Variants in FMN2 observed in about 807,000 individuals in gnomAD.
FMN2 encodes formin-2.
In FMN2, 51 loss-of-function variants were observed where a neutral mutation model predicts 142.3. The observed-to-expected ratio is 0.36, with a 90% CI of 0.29 to 0.45. FMN2 has a LOEUF of 0.45. Ranked by LOEUF, FMN2 falls within the 20% of genes least tolerant of loss-of-function variation. The pLI, the probability that FMN2 is intolerant of heterozygous loss-of-function variation, is 1.00. For synonymous variants in FMN2, 882 were observed against 869.8 expected (o/e 1.01, Z -0.25); for missense variants, 1,936 against 2,122.8 (o/e 0.91, Z 1.73).
At chr1:240,409,196 G>A (rs1391840681) in intron 15 of FMN2, among the ~76,000 whole-genome samples, 1 of 152,094 alleles carries the variant, frequency 6.6e-6, no homozygotes, top group Non-Finnish European at 1.5e-5. Flanking sequence ...AGGCTGGAGT[G>A]TGGTGGTGGG....
At chr1:240,153,560 TCACTATGTTGTC>T (rs1404264960) in intron 2 of FMN2, among the ~76,000 whole-genome samples, 1 of 151,928 alleles carries the variant, frequency 6.6e-6, no homozygotes, top group African/African-American at 2.4e-5. Context: ...AGACGAGGTC[TCACTATGTTGTC>T]CAGGCTGGCC....
chr1:240,210,113 GATC>G (rs1164969439), intron 5 of FMN2, among the ~76,000 whole-genome samples: 1 of 152,126 alleles, frequency 6.6e-6, no homozygotes, highest in African/African-American at 2.4e-5. Context: ...AGCTGGGACT[GATC>G]ATCATAAAAG....
At chr1:240,145,962 G>T (rs551008958) in intron 2 of FMN2, among the ~76,000 whole-genome samples, 4 of 152,118 alleles carry the variant, frequency 2.6e-5, no homozygotes, top group Non-Finnish European at 5.9e-5. Flanking sequence ...TGAGCTTCAT[G>T]CATCAATTAG....
In FMN2 at chr1:240,390,692, C is replaced by T. The variant is rs541502164; in HGVS notation, c.4859-1819C>T. On this transcript the variant is annotated intron_variant, in intron 14 of 17. Coordinates refer to ENST00000319653, the MANE Select transcript of FMN2 (RefSeq NM_020066.5). Reference sequence around the variant, plus strand: ...AGTTTCTACTGATTATTGGAGGCACCGTGCTAAGTATTTTGTACATGTTAA... The same window carrying T: ...AGTTTCTACTGATTATTGGAGGCACTGTGCTAAGTATTTTGTACATGTTAA... 5.9e-5 allele frequency among the ~76,000 whole-genome samples: 9 copies of T among 152,210 alleles called. No individual in the cohort carries two copies. In the South Asian group the frequency reaches 6.2e-4, roughly 11 times the overall value.
intron 14 of FMN2, among the ~76,000 whole-genome samples, chr1:240,356,589 T>C (rs1353090984): frequency 6.6e-6 from 1 of 152,204 alleles, no homozygotes; most frequent in Non-Finnish European, 1.5e-5. Context: ...CTTATAATTA[T>C]ATCAAAGCAT....
intron 8 of FMN2, among the ~76,000 whole-genome samples, chr1:240,304,807 G>A (rs75472479): frequency 0.14 from 21,672 of 152,182 alleles, 1,987 homozygotes; most frequent in African/African-American, 0.25. Context: ...CTCCAGAAGC[G>A]CGTGCACAGC....
At chr1:240,433,674 GCA>G (rs1220790747) in intron 15 of FMN2, among the ~76,000 whole-genome samples, 1 of 152,148 alleles carries the variant, frequency 6.6e-6, no homozygotes, top group Non-Finnish European at 1.5e-5. Flanking sequence ...TCCAGTTTCA[GCA>G]CAGTTCTCAG....
At chr1:240,151,096 A>C (rs1663751713) in intron 2 of FMN2, among the ~76,000 whole-genome samples, 1 of 152,212 alleles carries the variant, frequency 6.6e-6, no homozygotes, top group African/African-American at 2.4e-5. Context: ...TGTTGATTTA[A>C]GGGCACGGTC....
At chr1:240,382,720 AT>A (rs976584918) in intron 14 of FMN2, among the ~76,000 whole-genome samples, 26 of 152,306 alleles carry the variant, frequency 1.7e-4, no homozygotes, top group African/African-American at 6.0e-4. Flanking sequence ...CAGAAGTGCA[AT>A]TCCTATCAAA....
chr1:240,356,045 C>T (rs1332164700), intron 14 of FMN2, 137 bp downstream of exon 14: 1 of 583,582 alleles, frequency 1.7e-6, no homozygotes, highest in Non-Finnish European at 2.9e-6. Context: ...TTTGACATTA[C>T]AGAAAAACAG....
rs117052010 is a variant in FMN2 at position 240,132,316 on chromosome 1, C to T, written c.1782+8971C>T. 2.9e-3 allele frequency among the ~76,000 whole-genome samples: 442 copies of T among 152,050 alleles called. 10 individuals are homozygous for T. In the East Asian group the frequency reaches 0.06, roughly 21 times the overall value. ...GGTAAAATCATGAGCAAATAAATCT[C>T]GTAAATTAAGAGAAAGTTGACCAAT... On this transcript the variant is annotated intron_variant, in intron 2 of 17. Coordinates refer to ENST00000319653, the MANE Select transcript of FMN2 (RefSeq NM_020066.5).
chr1:240,325,948 G>A (rs1179432564), intron 8 of FMN2, among the ~76,000 whole-genome samples: 2 of 152,186 alleles, frequency 1.3e-5, no homozygotes, highest in Admixed American at 1.3e-4. Flanking sequence ...TATATTAAAT[G>A]TCTTTAAACA....
At chr1:240,233,363 T>TGACA (rs1192424818) in intron 6 of FMN2, among the ~76,000 whole-genome samples, 1 of 149,066 alleles carries the variant, frequency 6.7e-6, no homozygotes, top group Non-Finnish European at 1.5e-5. Context: ...CCAGCCTGGG[T>TGACA]GACAGAGCGA....
chr1:240,306,539 C>T (rs550275381), intron 8 of FMN2, among the ~76,000 whole-genome samples: 1 of 152,276 alleles, frequency 6.6e-6, no homozygotes, highest in East Asian at 1.9e-4. Context: ...TATGGAATAA[C>T]AGTCTCTAGC....
intron 2 of FMN2, among the ~76,000 whole-genome samples, chr1:240,138,044 G>A (rs771337578): frequency 3.0e-5 from 4 of 132,516 alleles, no homozygotes; most frequent in African/African-American, 5.8e-5. Context: ...CAGCCTGGGT[G>A]ATAGAGCAAG....
intron 8 of FMN2, among the ~76,000 whole-genome samples, chr1:240,323,361 A>AT (rs1372810269): frequency 1.6e-4 from 25 of 151,988 alleles, no homozygotes; most frequent in African/African-American, 6.0e-4. Flanking sequence ...CGCCCGGCTA[A>AT]TTTTTTGTAT....
chr1:240,183,583 A>C (rs553997509), intron 3 of FMN2, among the ~76,000 whole-genome samples: 285 of 151,626 alleles, frequency 1.9e-3, no homozygotes, highest in African/African-American at 6.6e-3. Flanking sequence ...ATGCCTACAT[A>C]TAGTTTTCAT....
chr1:240,211,057 A>T, intron 5 of FMN2, 34 bp from the exon 6 acceptor site: 2 of 1,572,524 alleles, frequency 1.3e-6, no homozygotes, highest in Non-Finnish European at 1.7e-6. Flanking sequence ...GTTCAGTTTG[A>T]TGGCTGTTTT....
At chr1:240,400,094 C>A (rs1409928406) in intron 15 of FMN2, among the ~76,000 whole-genome samples, 2 of 152,118 alleles carry the variant, frequency 1.3e-5, no homozygotes, top group Non-Finnish European at 2.9e-5. Context: ...CAGCAACAAG[C>A]AAAATGGCTA....
Sources: gnomAD v4.1 joint callset for allele counts (sites outside exome capture counted in the v4.1 genomes callset) on GRCh38, gnomAD v4.1.1 for gene constraint, MANE v1.5 for transcripts, NCBI Gene and HGNC (gene_info 2026-07-23, HGNC 2026-07-21) for gene names.